PCP4: variants seen among roughly 807,000 people sequenced by gnomAD.
PCP4 encodes Purkinje cell protein 4.
PCP4 carries 8 observed loss-of-function variants against 10.0 expected under a neutral mutation model. That is an observed-to-expected ratio of 0.80 (90% confidence interval 0.47 to 1.45). PCP4 has a LOEUF of 1.45. Ranked by LOEUF, PCP4 falls within the 40% of genes most tolerant of loss-of-function variation. PCP4 has a pLI of 0.00. For synonymous variants in PCP4, 21 were observed against 23.0 expected, an observed-to-expected ratio of 0.91 and a Z score of 0.24; for missense variants, 54 against 74.4, an observed-to-expected ratio of 0.73 and a Z score of 1.01.
At chr21:39,918,162 T>G (rs545525349) in intron 2 of PCP4, among the ~76,000 whole-genome samples, 2 of 152,202 alleles carry the variant, frequency 1.3e-5, no homozygotes, top group Non-Finnish European at 2.9e-5. Flanking sequence ...AGGAATGAAT[T>G]TTGCCTTTTC....
intron 2 of PCP4, among the ~76,000 whole-genome samples, chr21:39,917,271 G>T (rs983527320): frequency 6.6e-6 from 1 of 152,200 alleles, no homozygotes; most frequent in African/African-American, 2.4e-5. Flanking sequence ...TGTCCCCACA[G>T]CTGCCCCAGA....
chr21:39,911,450 T>G (rs2087539583), intron 2 of PCP4, among the ~76,000 whole-genome samples: 1 of 152,200 alleles, frequency 6.6e-6, no homozygotes, highest in African/African-American at 2.4e-5. Flanking sequence ...ACAACAGTGG[T>G]CCACTCGACA....
intron 1 of PCP4, among the ~76,000 whole-genome samples, chr21:39,887,404 G>T: frequency 6.7e-6 from 1 of 148,260 alleles, no homozygotes; most frequent in African/African-American, 2.5e-5. Context: ...CTTTTGACAT[G>T]AATTTCTACA....
chr21:39,925,393 A>G (rs2251810), intron 2 of PCP4, among the ~76,000 whole-genome samples: 19,925 of 152,200 alleles, frequency 0.13, 1,381 homozygotes, highest in South Asian at 0.23. Flanking sequence ...CTAGCATATT[A>G]ATTAATGGCT....
At chr21:39,907,573 A>G (rs1244777450) in intron 2 of PCP4, among the ~76,000 whole-genome samples, 1 of 152,170 alleles carries the variant, frequency 6.6e-6, no homozygotes, top group Non-Finnish European at 1.5e-5. Flanking sequence ...AGGTGGGTGG[A>G]TCACCTGAAG....
intron 1 of PCP4, among the ~76,000 whole-genome samples, chr21:39,885,371 G>A (rs1223855472): frequency 2.0e-5 from 3 of 152,206 alleles, no homozygotes; most frequent in African/African-American, 4.8e-5. Flanking sequence ...GAGGCCCAGC[G>A]GAGCTCCCGG....
chr21:39,917,280 G>C (rs563523176), intron 2 of PCP4, among the ~76,000 whole-genome samples: 9 of 152,322 alleles, frequency 5.9e-5, no homozygotes, highest in African/African-American at 1.9e-4. Flanking sequence ...AGCTGCCCCA[G>C]AGAAACCCAG....
chr21:39,917,512 C>T (rs1375229555), intron 2 of PCP4, among the ~76,000 whole-genome samples: 2 of 152,188 alleles, frequency 1.3e-5, no homozygotes, highest in Non-Finnish European at 2.9e-5. Context: ...GCAAGCCAGG[C>T]TGCCGGCTGC....
intron 1 of PCP4, among the ~76,000 whole-genome samples, chr21:39,893,949 T>C (rs1601178584): frequency 6.6e-6 from 1 of 152,180 alleles, no homozygotes; most frequent in African/African-American, 2.4e-5. Flanking sequence ...TTTCAGGCGG[T>C]TGAAGGAGGA....
intron 2 of PCP4, among the ~76,000 whole-genome samples, chr21:39,922,904 G>A (rs908125633): frequency 2.0e-5 from 3 of 152,204 alleles, no homozygotes; most frequent in African/African-American, 4.8e-5. Context: ...AGGCACACAG[G>A]ACGTTGAATC....
intron 2 of PCP4, among the ~76,000 whole-genome samples, chr21:39,903,996 C>T (rs1422248472): frequency 6.6e-6 from 1 of 151,728 alleles, no homozygotes; most frequent in Non-Finnish European, 1.5e-5. Context: ...AAATCAATCC[C>T]AAACCATAAA....
intron 2 of PCP4, among the ~76,000 whole-genome samples, chr21:39,923,412 T>C (rs1425523637): frequency 6.6e-6 from 1 of 152,220 alleles, no homozygotes; most frequent in Non-Finnish European, 1.5e-5. Flanking sequence ...AATGGGCTGC[T>C]GTGATTGATG....
chr21:39,927,584 A>G (rs1372982052), intron 2 of PCP4, among the ~76,000 whole-genome samples: 1 of 152,106 alleles, frequency 6.6e-6, no homozygotes, highest in Non-Finnish European at 1.5e-5. Flanking sequence ...CTCCCTGCTC[A>G]CTGGCTGGGG....
intron 2 of PCP4, among the ~76,000 whole-genome samples, chr21:39,928,615 C>T (rs2087636096): frequency 6.6e-6 from 1 of 152,188 alleles, no homozygotes; most frequent in African/African-American, 2.4e-5. Context: ...TATCAGCTAT[C>T]ATTGGACCAA....
intron 1 of PCP4, among the ~76,000 whole-genome samples, chr21:39,873,174 T>C (rs2087328816): frequency 6.6e-6 from 1 of 152,120 alleles, no homozygotes; most frequent in South Asian, 2.1e-4. Context: ...CCTTGGAAAG[T>C]GGTTTGCTGT....
At chr21:39,898,977 G>A (rs968304241) in intron 2 of PCP4, among the ~76,000 whole-genome samples, 3 of 152,330 alleles carry the variant, frequency 2.0e-5, no homozygotes, top group African/African-American at 7.2e-5. Context: ...AAGGTGCTGA[G>A]TCAGTGAATG....
chr21:39,915,597 T>G (rs1235025232), intron 2 of PCP4, among the ~76,000 whole-genome samples: 1 of 152,202 alleles, frequency 6.6e-6, no homozygotes, highest in African/African-American at 2.4e-5. Flanking sequence ...GCATCAAGCA[T>G]CTGTCACTGT....
intron 2 of PCP4, among the ~76,000 whole-genome samples, chr21:39,924,290 G>A (rs1442879873): frequency 3.3e-5 from 5 of 152,110 alleles, no homozygotes; most frequent in Non-Finnish European, 5.9e-5. Context: ...CTAACACTGG[G>A]AGCCAGGTAG....
intron 2 of PCP4, among the ~76,000 whole-genome samples, chr21:39,910,252 A>T (rs1324781951): frequency 6.6e-6 from 1 of 152,190 alleles, no homozygotes; most frequent in African/African-American, 2.4e-5. Flanking sequence ...TCCAGTTGCT[A>T]CCAGTTCACC....
Sources: gnomAD v4.1 joint callset for allele counts (sites outside exome capture counted in the v4.1 genomes callset) on GRCh38, gnomAD v4.1.1 for gene constraint, MANE v1.5 for transcripts, NCBI Gene and HGNC (gene_info 2026-07-23, HGNC 2026-07-21) for gene names.